Variants in SH3PXD2A observed in about 807,000 individuals in gnomAD.
SH3PXD2A encodes SH3 and PX domain-containing protein 2A.
A neutral mutation model predicts 115.2 loss-of-function variants in SH3PXD2A; 32 were observed. The observed-to-expected ratio is 0.28, with a 90% confidence interval of 0.21 to 0.37. The LOEUF (loss-of-function observed/expected upper bound fraction) is 0.37, where lower values mean the gene tolerates loss of function less well. Ranked by LOEUF, SH3PXD2A falls within the 10% of genes least tolerant of loss-of-function variation. SH3PXD2A has a pLI of 1.00. For missense variants in SH3PXD2A, 1,328 were observed against 1,498.7 expected, an observed-to-expected ratio of 0.89 and a Z score of 1.88; for synonymous variants, 610 against 629.1, an observed-to-expected ratio of 0.97 and a Z score of 0.45.
chr10:103,761,338 G>C (rs988360393), intron 3 of SH3PXD2A, among the ~76,000 whole-genome samples: 16 of 152,150 alleles, frequency 1.1e-4, no homozygotes, highest in African/African-American at 3.9e-4. Context: ...GGTGGAATTG[G>C]AGGGGGGAAT....
chr10:103,743,366 G>A (rs933146778), intron 3 of SH3PXD2A, among the ~76,000 whole-genome samples: 17 of 152,038 alleles, frequency 1.1e-4, no homozygotes, highest in African/African-American at 3.1e-4. Flanking sequence ...GATCCAAGCT[G>A]GTCCAAGGAG....
At chr10:103,674,378 G>A (rs1026443745) in intron 6 of SH3PXD2A, among the ~76,000 whole-genome samples, 19 of 152,192 alleles carry the variant, frequency 1.2e-4, no homozygotes, top group African/African-American at 4.3e-4. Flanking sequence ...TTACAAAGTA[G>A]TTTGGCCTAT....
chr10:103,814,009 A>C lies in SH3PXD2A; in HGVS notation c.73-12647T>G, dbSNP rs567312071. On this transcript the variant is annotated intron_variant, in intron 1 of 14. Coordinates refer to ENST00000369774, the MANE Select transcript of SH3PXD2A (RefSeq NM_001394015.1). ...GACCACTGGACTAGCTAAAAAAAAAAAAAAAACAACAAAAAAAAAACCACA... is the reference window on the plus strand; with the variant it reads ...GACCACTGGACTAGCTAAAAAAAAACAAAAAACAACAAAAAAAAAACCACA... Among the ~76,000 whole-genome samples, 151 of 136,462 alleles carry C rather than the reference A, an allele frequency of 1.1e-3. 2 individuals carry two copies. The Middle Eastern group carries it at 0.019, about 17-fold the overall frequency. 89.5% of individuals were successfully genotyped at this position (136,462 alleles called of 152,430 possible).
At chr10:103,700,220 C>T (rs2037876294) in intron 5 of SH3PXD2A, among the ~76,000 whole-genome samples, 1 of 152,100 alleles carries the variant, frequency 6.6e-6, no homozygotes, top group African/African-American at 2.4e-5. Context: ...GTTCAGCCAC[C>T]TAGTGCTTTG....
chr10:103,747,484 C>T (rs989273956), intron 3 of SH3PXD2A, among the ~76,000 whole-genome samples: 1 of 152,204 alleles, frequency 6.6e-6, no homozygotes, highest in Non-Finnish European at 1.5e-5. Context: ...GCAGAGCTTC[C>T]TGGCAGCCTC....
intron 4 of SH3PXD2A, among the ~76,000 whole-genome samples, chr10:103,729,375 T>G (rs1486101171): frequency 6.6e-6 from 1 of 152,256 alleles, no homozygotes; most frequent in Non-Finnish European, 1.5e-5. Flanking sequence ...ATTCTGAAGT[T>G]TCTTCCAGCT....
intron 6 of SH3PXD2A, among the ~76,000 whole-genome samples, chr10:103,682,784 G>A (rs1407454906): frequency 1.3e-5 from 2 of 150,830 alleles, no homozygotes; most frequent in Non-Finnish European, 3.0e-5. Context: ...AACAAACCAC[G>A]AGCCTGGGTA....
chr10:103,657,948 A>C (rs902621746), intron 8 of SH3PXD2A, among the ~76,000 whole-genome samples: 1 of 152,222 alleles, frequency 6.6e-6, no homozygotes, highest in African/African-American at 2.4e-5. Flanking sequence ...GCCTCCCTGC[A>C]TGACCTCTGT....
chr10:103,611,491 G>A (rs2036427674), intron 13 of SH3PXD2A, 90 bp downstream of exon 13: 12 of 1,206,920 alleles, frequency 9.9e-6, no homozygotes, highest in Non-Finnish European at 1.2e-5. Context: ...TGGATCAAGA[G>A]GCTCTGCCGC....
At chr10:103,725,179 G>A (rs555908968) in intron 4 of SH3PXD2A, among the ~76,000 whole-genome samples, 1 of 152,272 alleles carries the variant, frequency 6.6e-6, no homozygotes, top group East Asian at 1.9e-4. Context: ...GGTGGAGGTG[G>A]AGCGATCAAG....
intron 7 of SH3PXD2A, among the ~76,000 whole-genome samples, chr10:103,663,879 T>G (rs1436436789): frequency 4.6e-5 from 7 of 152,220 alleles, no homozygotes; most frequent in African/African-American, 1.7e-4. Context: ...CCTGCACAGC[T>G]GAGTGTGCCA....
intron 5 of SH3PXD2A, among the ~76,000 whole-genome samples, chr10:103,701,995 C>T (rs1030707418): frequency 1.3e-5 from 2 of 151,158 alleles, no homozygotes; most frequent in African/African-American, 4.9e-5. Context: ...ACCATCCATC[C>T]ATCCATCCAT....
At chr10:103,700,782 T>C (rs1018489147) in intron 5 of SH3PXD2A, among the ~76,000 whole-genome samples, 6 of 152,150 alleles carry the variant, frequency 3.9e-5, no homozygotes, top group African/African-American at 1.4e-4. Flanking sequence ...TTCTTGGCTA[T>C]GGGGGTTCCC....
At chr10:103,778,903 C>T (rs1398914783) in intron 2 of SH3PXD2A, among the ~76,000 whole-genome samples, 1 of 152,146 alleles carries the variant, frequency 6.6e-6, no homozygotes, top group Non-Finnish European at 1.5e-5. Flanking sequence ...CTCCCCTTGG[C>T]CAAGAGGGAA....
At chr10:103,817,503 G>A (rs987241769) in intron 1 of SH3PXD2A, among the ~76,000 whole-genome samples, 2 of 152,114 alleles carry the variant, frequency 1.3e-5, no homozygotes, top group Non-Finnish European at 2.9e-5. Context: ...ACCACACCTG[G>A]CTAATTTTTG....
intron 11 of SH3PXD2A, among the ~76,000 whole-genome samples, chr10:103,616,671 C>T (rs186049055): frequency 1.3e-5 from 2 of 152,346 alleles, no homozygotes; most frequent in African/African-American, 4.8e-5. Flanking sequence ...GCCAGCCCTG[C>T]AGATTGGACA....
chr10:103,710,820 G>C (rs1356234291), intron 5 of SH3PXD2A, among the ~76,000 whole-genome samples: 1 of 152,198 alleles, frequency 6.6e-6, no homozygotes, highest in African/African-American at 2.4e-5. Context: ...AGGATGGCTT[G>C]AGTCCAGGAG....
chr10:103,814,015 A>G (rs1185887416), intron 1 of SH3PXD2A, among the ~76,000 whole-genome samples: 1 of 134,254 alleles, frequency 7.4e-6, no homozygotes, highest in Non-Finnish European at 1.6e-5. Flanking sequence ...AAAAAAAAAA[A>G]CAACAAAAAA....
chr10:103,808,975 T>A (rs1397232436), intron 1 of SH3PXD2A, among the ~76,000 whole-genome samples: 1 of 152,100 alleles, frequency 6.6e-6, no homozygotes, highest in Non-Finnish European at 1.5e-5. Flanking sequence ...CAGAAGCAAA[T>A]CCCTGGTGGC....
Sources: gnomAD v4.1 joint callset for allele counts (sites outside exome capture counted in the v4.1 genomes callset) on GRCh38, gnomAD v4.1.1 for gene constraint, MANE v1.5 for transcripts, NCBI Gene and HGNC (gene_info 2026-07-23, HGNC 2026-07-21) for gene names.